Variants in C9 observed in about 807,000 individuals in gnomAD.
The protein encoded by C9 is complement C9.
C9 carries 63 observed loss-of-function variants against 65.4 expected under a neutral mutation model. That is an observed-to-expected ratio of 0.96 (90% CI 0.79 to 1.19). The LOEUF is 1.19. Among genes scored for constraint, C9 ranks in the 50% most tolerant of loss-of-function variants. The probability of loss-of-function intolerance (pLI) is 0.00; values close to 1 mark genes in which losing one functional copy is unlikely to be tolerated. For missense variants in C9, 744 were observed against 670.1 expected (o/e 1.11, Z -1.22); for synonymous variants, 229 against 227.9 (o/e 1.00, Z -0.04).
At chr5:39,302,397 G>A (rs939243662) in intron 9 of C9, among the ~76,000 whole-genome samples, 15 of 152,042 alleles carry the variant, frequency 9.9e-5, no homozygotes, top group African/African-American at 3.6e-4. Context: ...TAATAAATAG[G>A]TGGAGATTTC....
chr5:39,315,100 A>G (rs537820482), intron 6 of C9, among the ~76,000 whole-genome samples: 2 of 152,344 alleles, frequency 1.3e-5, no homozygotes, highest in African/African-American at 4.8e-5. Flanking sequence ...AAACAATTAC[A>G]TAGTTAGGCA....
chr5:39,333,183 G>A (rs1344991206), intron 4 of C9, among the ~76,000 whole-genome samples: 2 of 13,450 alleles, frequency 1.5e-4, no homozygotes, highest in Non-Finnish European at 2.7e-4. Context: ...TATTCCTCAT[G>A]ATAAATTAAA....
chr5:39,314,530 G>A (rs1413214472), intron 6 of C9, among the ~76,000 whole-genome samples: 1 of 152,056 alleles, frequency 6.6e-6, no homozygotes, highest in Non-Finnish European at 1.5e-5. Flanking sequence ...CAGAAAAAAA[G>A]CCACACTGAG....
intron 1 of C9, among the ~76,000 whole-genome samples, chr5:39,345,145 T>TGACA (rs1389048875): frequency 2.0e-5 from 3 of 152,148 alleles, no homozygotes; most frequent in African/African-American, 7.2e-5. Flanking sequence ...ATCATCATAA[T>TGACA]GACAGGATCA....
intron 9 of C9, among the ~76,000 whole-genome samples, chr5:39,292,418 T>C (rs961507380): frequency 4.3e-4 from 65 of 151,462 alleles, no homozygotes; most frequent in African/African-American, 1.5e-3. Flanking sequence ...AAAAAATACT[T>C]TTTTTTTCAG....
At chr5:39,344,616 G>C (rs1235502659) in intron 1 of C9, among the ~76,000 whole-genome samples, 1 of 152,190 alleles carries the variant, frequency 6.6e-6, no homozygotes, top group Admixed American at 6.5e-5. Context: ...TTATCCAGGA[G>C]AACTTCCCCA....
At chr5:39,349,955 GT>G (rs1754291710) in intron 1 of C9, among the ~76,000 whole-genome samples, 1 of 151,786 alleles carries the variant, frequency 6.6e-6, no homozygotes, top group South Asian at 2.1e-4. Flanking sequence ...CAGAACTTTG[GT>G]TTTCATGTTT....
intron 1 of C9, among the ~76,000 whole-genome samples, chr5:39,353,763 C>T (rs971003804): frequency 2.0e-5 from 3 of 149,702 alleles, no homozygotes; most frequent in Non-Finnish European, 2.9e-5. Context: ...TAAGAGTTTA[C>T]ATTTTAGCTA....
chr5:39,289,325 T>TCCCAA (rs1002584522), intron 9 of C9, among the ~76,000 whole-genome samples: 2 of 151,902 alleles, frequency 1.3e-5, no homozygotes, highest in Non-Finnish European at 2.9e-5. Flanking sequence ...TGCTGCCTTC[T>TCCCAA]TCCTTCTCTT....
chr5:39,312,650 T>C (rs1440799083), intron 6 of C9, among the ~76,000 whole-genome samples: 1 of 152,222 alleles, frequency 6.6e-6, no homozygotes, highest in Non-Finnish European at 1.5e-5. Context: ...AACTGTGTGA[T>C]TCAATGCCAT....
Position 39,285,099 on chromosome 5 carries a change from C to T in C9, c.*100G>A. 1.1e-6 allele frequency: 1 copy of T among 948,886 alleles called. No homozygotes were observed. The highest frequency in any genetic ancestry group is 2.4e-5 in the East Asian group (1 of 41,842). 58.8% of individuals were successfully genotyped at this position (948,886 alleles called of 1,614,324 possible). ...AGAGGTTGGTAGGATTTTCATGAAG[C>T]ATGTTGCTATTTACTTGGCAGCTAA... On this transcript the variant is annotated 3_prime_UTR_variant, in exon 11 of 11. Coordinates refer to ENST00000263408, the MANE Select transcript of C9 (RefSeq NM_001737.5).
chr5:39,315,370 C>T (rs1753551656), intron 6 of C9, among the ~76,000 whole-genome samples: 1 of 152,114 alleles, frequency 6.6e-6, no homozygotes, highest in African/African-American at 2.4e-5. Context: ...TGTATAATTT[C>T]ATAGCATCAT....
intron 1 of C9, among the ~76,000 whole-genome samples, chr5:39,361,875 T>G (rs900503350): frequency 4.6e-5 from 7 of 152,226 alleles, no homozygotes; most frequent in African/African-American, 1.7e-4. Context: ...ACTGTAGCTG[T>G]GGCATGAGAT....
At chr5:39,347,301 G>C (rs1375981944) in intron 1 of C9, among the ~76,000 whole-genome samples, 1 of 152,156 alleles carries the variant, frequency 6.6e-6, no homozygotes, top group Non-Finnish European at 1.5e-5. Context: ...ATCTCCTTAA[G>C]CTGATAAGCA....
At chr5:39,307,373 C>T (rs774714432) in intron 8 of C9, among the ~76,000 whole-genome samples, 1 of 152,122 alleles carries the variant, frequency 6.6e-6, no homozygotes, top group African/African-American at 2.4e-5. Context: ...TTGTCATCCC[C>T]TCTTCATTTT....
At chr5:39,291,003 T>C (rs1434081536) in intron 9 of C9, among the ~76,000 whole-genome samples, 1 of 151,912 alleles carries the variant, frequency 6.6e-6, no homozygotes, top group Admixed American at 6.6e-5. Context: ...ACCCCAGGCA[T>C]CAGGCTACTC....
At chr5:39,287,216 G>C (rs925319415) in intron 10 of C9, among the ~76,000 whole-genome samples, 1 of 151,798 alleles carries the variant, frequency 6.6e-6, no homozygotes, top group African/African-American at 2.4e-5. Context: ...GTCTATTTTT[G>C]TTTTTATTGC....
intron 1 of C9, among the ~76,000 whole-genome samples, chr5:39,359,534 A>T (rs922947011): frequency 1.3e-5 from 2 of 152,188 alleles, no homozygotes; most frequent in African/African-American, 4.8e-5. Flanking sequence ...GAGTGGGTCT[A>T]GAGTAAAGTG....
intron 5 of C9, 112 bp downstream of exon 5, chr5:39,331,564 T>C: frequency 1.1e-6 from 1 of 918,748 alleles, no homozygotes; most frequent in Non-Finnish European, 1.8e-6. Flanking sequence ...AAGTCTTGTG[T>C]TCATGTGAAA....
Sources: allele counts gnomAD v4.1 joint callset (sites outside exome capture counted in the v4.1 genomes callset), GRCh38; gene constraint gnomAD v4.1.1; transcripts MANE v1.5; gene names NCBI Gene and HGNC (gene_info 2026-07-23, HGNC 2026-07-21).